PTPRN2: variants seen among roughly 807,000 people sequenced by gnomAD.
PTPRN2 encodes receptor-type tyrosine-protein phosphatase N2.
PTPRN2 carries 74 observed loss-of-function variants against 118.8 expected under a neutral mutation model. The observed-to-expected ratio is 0.62, with a 90% CI of 0.52 to 0.76. The LOEUF is 0.76. Among genes scored for constraint, PTPRN2 ranks in the 30% least tolerant of loss-of-function variants. PTPRN2 has a pLI of 0.00. For synonymous variants in PTPRN2, 641 were observed against 608.0 expected (o/e 1.05, Z -0.80); for missense variants, 1,481 against 1,394.4 (o/e 1.06, Z -0.99).
intron 12 of PTPRN2, among the ~76,000 whole-genome samples, chr7:157,810,959 T>A (rs1805991917): frequency 6.6e-6 from 1 of 152,080 alleles, no homozygotes; most frequent in African/African-American, 2.4e-5. Flanking sequence ...TGAAGTTTCA[T>A]CTGTTATCTT....
At chr7:158,587,085 C>A (rs945198788) in intron 1 of PTPRN2, among the ~76,000 whole-genome samples, 2 of 151,818 alleles carry the variant, frequency 1.3e-5, no homozygotes, top group African/African-American at 2.4e-5. Context: ...CCCGAGACCC[C>A]CGGAGCCCCC....
chr7:157,713,408 G>T (rs2150895638), intron 12 of PTPRN2, among the ~76,000 whole-genome samples: 1 of 152,236 alleles, frequency 6.6e-6, no homozygotes, highest in East Asian at 1.9e-4. Flanking sequence ...TAGCCTGTAA[G>T]AATAGTGTAC....
chr7:157,858,131 TCCTGCAGGGAGAGCCCCGTCACCACCC>T (rs1563179128), intron 12 of PTPRN2, among the ~76,000 whole-genome samples: 54 of 70,364 alleles, frequency 7.7e-4, no homozygotes, highest in Non-Finnish European at 1.1e-3. Context: ...CCACCCACAC[TCCTGCAGGGAGAGCCCCGTCACCACCC>T]ACACTCCTGC....
chr7:158,317,675 G>A (rs1332022150), intron 2 of PTPRN2, among the ~76,000 whole-genome samples: 1 of 152,168 alleles, frequency 6.6e-6, no homozygotes, highest in Non-Finnish European at 1.5e-5. Context: ...GTTAATTCAG[G>A]CGCTACTGCT....
chr7:158,432,345 G>C (rs1006245442), intron 2 of PTPRN2, among the ~76,000 whole-genome samples: 1 of 152,214 alleles, frequency 6.6e-6, no homozygotes, highest in East Asian at 1.9e-4. Flanking sequence ...TCTCAAGCTA[G>C]GGCTGACTAC....
At chr7:158,421,858 A>G (rs922097008) in intron 2 of PTPRN2, among the ~76,000 whole-genome samples, 8 of 152,226 alleles carry the variant, frequency 5.3e-5, no homozygotes, top group Non-Finnish European at 1.2e-4. Flanking sequence ...GCATTCTAAT[A>G]AAGAATTTTT....
At chr7:157,770,276 TTAAGTGTG>T (rs1289485644) in intron 12 of PTPRN2, among the ~76,000 whole-genome samples, 5 of 152,240 alleles carry the variant, frequency 3.3e-5, no homozygotes, top group Non-Finnish European at 7.3e-5. Flanking sequence ...TTCTGCTGGT[TTAAGTGTG>T]TCAGTCACAG....
chr7:158,204,741 G>A (rs984917155), intron 4 of PTPRN2, among the ~76,000 whole-genome samples: 2 of 152,112 alleles, frequency 1.3e-5, no homozygotes, highest in Non-Finnish European at 2.9e-5. Flanking sequence ...ACATAGTTTT[G>A]AGTACAAAAT....
At chr7:157,887,658 C>T (rs1434118154) in intron 12 of PTPRN2, among the ~76,000 whole-genome samples, 2 of 52,896 alleles carry the variant, frequency 3.8e-5, no homozygotes, top group East Asian at 5.3e-4. Context: ...GTACCCACTC[C>T]CCCAGTACCC....
At chr7:158,145,861 C>T (rs1819915835) in intron 6 of PTPRN2, among the ~76,000 whole-genome samples, 1 of 152,202 alleles carries the variant, frequency 6.6e-6, no homozygotes, top group Non-Finnish European at 1.5e-5. Context: ...GAAAGGCTGA[C>T]CATGCTCCCG....
intron 6 of PTPRN2, among the ~76,000 whole-genome samples, chr7:158,141,754 C>T (rs996256296): frequency 4.6e-5 from 7 of 152,276 alleles, no homozygotes; most frequent in East Asian, 3.9e-4. Context: ...GTCCTGTCAG[C>T]GCCACTCCAG....
intron 15 of PTPRN2, 130 bp from the exon 16 acceptor site, chr7:157,604,205 G>C: frequency 1.2e-6 from 1 of 802,208 alleles, no homozygotes; most frequent in Non-Finnish European, 2.0e-6. Flanking sequence ...CCATCACACA[G>C]CAGTGTGGGA....
chr7:157,744,703 G>A (rs1248706856), intron 12 of PTPRN2, among the ~76,000 whole-genome samples: 1 of 152,174 alleles, frequency 6.6e-6, no homozygotes, highest in Admixed American at 6.5e-5. Context: ...TGCAGAAGAC[G>A]GAGGATGTGG....
At chr7:157,847,823 C>G (rs1032473899) in intron 12 of PTPRN2, among the ~76,000 whole-genome samples, 1 of 150,930 alleles carries the variant, frequency 6.6e-6, no homozygotes, top group African/African-American at 2.4e-5. Context: ...CTACAGAGCC[C>G]TCTCTCACTC....
intron 10 of PTPRN2, among the ~76,000 whole-genome samples, chr7:158,087,086 A>G (rs996291136): frequency 1.3e-5 from 2 of 152,234 alleles, no homozygotes; most frequent in Admixed American, 1.3e-4. Context: ...GATAGCTGAC[A>G]TGCGACAGGG....
intron 12 of PTPRN2, among the ~76,000 whole-genome samples, chr7:157,714,483 A>G (rs1798804693): frequency 6.6e-6 from 1 of 152,234 alleles, no homozygotes; most frequent in Non-Finnish European, 1.5e-5. Context: ...CTATAGGAAT[A>G]ACAATGGAGG....
At chr7:157,849,168 G>A (rs1160140477) in intron 12 of PTPRN2, among the ~76,000 whole-genome samples, 2 of 152,186 alleles carry the variant, frequency 1.3e-5, no homozygotes, top group African/African-American at 2.4e-5. Flanking sequence ...GATTCTTCGG[G>A]TTTCCCTCAG....
At chr7:157,795,483 A>G (rs1804814647) in intron 12 of PTPRN2, among the ~76,000 whole-genome samples, 1 of 152,226 alleles carries the variant, frequency 6.6e-6, no homozygotes. Flanking sequence ...GGTGCTGTCT[A>G]TCTGTGGCCC....
In PTPRN2 at chr7:157,676,618, G is replaced by A. The variant is rs191991104; in HGVS notation, c.2001+6107C>T. Reference sequence around the variant, plus strand: ...AACACCCTGCAGTGGGGACAGCGCAGCTGGGGACCGCCCAGTGCAGCTCTG... The same window carrying A: ...AACACCCTGCAGTGGGGACAGCGCAACTGGGGACCGCCCAGTGCAGCTCTG... On this transcript the variant is annotated intron_variant, in intron 13 of 22. Transcript: ENST00000389418. This position sits in a 1 kb window ranked among gnomAD's most constrained non-coding sequence, Gnocchi z 5.6. 3.3e-5 allele frequency among the ~76,000 whole-genome samples: 5 copies of A among 152,376 alleles called. No individual in the cohort carries two copies. The East Asian group carries it at 9.6e-4, about 29-fold the overall frequency.
Sources: allele counts gnomAD v4.1 joint callset (sites outside exome capture counted in the v4.1 genomes callset), GRCh38; gene constraint gnomAD v4.1.1; non-coding constraint Gnocchi (gnomAD v3.1); transcripts MANE v1.5; gene names NCBI Gene and HGNC (gene_info 2026-07-23, HGNC 2026-07-21).